FEZ1: variants seen among roughly 807,000 people sequenced by gnomAD.
FEZ1 encodes the protein fasciculation and elongation protein zeta 1.
FEZ1 carries 20 observed loss-of-function variants against 49.3 expected under a neutral mutation model. The observed-to-expected ratio is 0.41, with a 90% CI of 0.29 to 0.59. FEZ1 has a LOEUF of 0.59. Among genes scored for constraint, FEZ1 ranks in the 20% least tolerant of loss-of-function variants. The pLI is 0.36. For synonymous variants in FEZ1, 170 were observed against 180.9 expected, an observed-to-expected ratio of 0.94 and a Z score of 0.48; for missense variants, 413 against 476.0, an observed-to-expected ratio of 0.87 and a Z score of 1.23.
At chr11:125,450,382 C>T (rs1956943216) in intron 8 of FEZ1, among the ~76,000 whole-genome samples, 2 of 152,168 alleles carry the variant, frequency 1.3e-5, no homozygotes, top group African/African-American at 4.8e-5. Flanking sequence ...GCTTAGTTGT[C>T]AAGAACACTT....
At chr11:125,469,358 A>G (rs1957163515) in intron 3 of FEZ1, among the ~76,000 whole-genome samples, 1 of 152,150 alleles carries the variant, frequency 6.6e-6, no homozygotes, top group Admixed American at 6.5e-5. Flanking sequence ...TCCCCGGCTC[A>G]AGCAATCCTC....
chr11:125,493,547 A>AAGGG (rs1555043781), intron 1 of FEZ1, among the ~76,000 whole-genome samples: 2 of 134,582 alleles, frequency 1.5e-5, no homozygotes. Context: ...AGAAAGAAAG[A>AAGGG]AAGAAAGGTG....
At chr11:125,468,428 G>C (rs1957153838) in intron 3 of FEZ1, among the ~76,000 whole-genome samples, 1 of 152,072 alleles carries the variant, frequency 6.6e-6, no homozygotes, top group Non-Finnish European at 1.5e-5. Context: ...AGGCTCAAGT[G>C]ATCTTCCTAC....
At chr11:125,477,999 T>C (rs1233376321) in intron 3 of FEZ1, among the ~76,000 whole-genome samples, 2 of 152,250 alleles carry the variant, frequency 1.3e-5, no homozygotes. Flanking sequence ...TTAATTAACT[T>C]TTTAAACTAT....
In FEZ1 at chr11:125,489,488, T is replaced by A. The variant is rs754904817; in HGVS notation, c.290A>T (p.Glu97Val). 6.2e-7 allele frequency: 1 copy of A among 1,613,714 alleles called. No individual in the cohort carries two copies. The highest frequency in any genetic ancestry group is 8.5e-7 in the Non-Finnish European group (1 of 1,179,864). The change falls in exon 2 of 10, where the codon GAG (glutamate) becomes GTG (valine). Residue 97 changes from glutamate (E) to valine (V), a missense_variant. Coordinates refer to ENST00000278919, the MANE Select transcript of FEZ1 (RefSeq NM_005103.5). The surrounding 1 kb of genome is among the most constrained non-coding windows in gnomAD (Gnocchi z 4.2). The stretch of plus-strand genomic sequence containing the variant: ...TTACTCCTCGTCCTGAAGGGTCTCC[T>A]CCTCCTCTTGGATCTGTAACTGGTT... ...VKNQLQIQEEEETLQDEEVWD... is the reference protein window; with the variant it reads ...VKNQLQIQEEVETLQDEEVWD...
rs902327782 is a variant in FEZ1 at position 125,481,530 on chromosome 11, G to A, written c.411+4C>T. On this transcript the variant is annotated splice_donor_region_variant and intron_variant, in intron 3 of 9. Coordinates refer to ENST00000278919, the MANE Select transcript of FEZ1 (RefSeq NM_005103.5). ...CTGCTAAACCAGGGGCCCCGGAGAG[G>A]TACCTCAGTGTCAGAGCAGTTGCCA... 3 of 1,587,636 alleles carry A rather than the reference G, an allele frequency of 1.9e-6. No homozygotes were observed. The highest frequency in any genetic ancestry group is 1.7e-6 in the Non-Finnish European group (2 of 1,156,040).
At chr11:125,480,134 G>A (rs1485504209) in intron 3 of FEZ1, among the ~76,000 whole-genome samples, 1 of 152,178 alleles carries the variant, frequency 6.6e-6, no homozygotes, top group African/African-American at 2.4e-5. Flanking sequence ...CCAACACTTT[G>A]AGAGTCCGAG....
intron 4 of FEZ1, among the ~76,000 whole-genome samples, chr11:125,462,968 C>A (rs1041127658): frequency 1.3e-5 from 2 of 148,372 alleles, no homozygotes; most frequent in Non-Finnish European, 3.0e-5. Flanking sequence ...CCACTGCACT[C>A]TGGCCTGGGT....
intron 2 of FEZ1, among the ~76,000 whole-genome samples, chr11:125,484,373 G>A (rs1031752891): frequency 2.6e-5 from 4 of 152,196 alleles, no homozygotes; most frequent in South Asian, 2.1e-4. Context: ...TGGGCAGCAC[G>A]GCTACAGAGC....
chr11:125,473,818 C>CAA (rs141159400), intron 3 of FEZ1, among the ~76,000 whole-genome samples: 14 of 102,076 alleles, frequency 1.4e-4, no homozygotes, highest in South Asian at 5.9e-4. Flanking sequence ...GACTCCATTT[C>CAA]AAAAAAAAAA....
chr11:125,476,741 G>A (rs1018780979), intron 3 of FEZ1, among the ~76,000 whole-genome samples: 2 of 152,114 alleles, frequency 1.3e-5, no homozygotes, highest in Non-Finnish European at 2.9e-5. Flanking sequence ...TTCTCAACAC[G>A]ACCTAATGCT....
chr11:125,479,949 C>T (rs535641397), intron 3 of FEZ1, among the ~76,000 whole-genome samples: 134 of 152,322 alleles, frequency 8.8e-4, no homozygotes, highest in Non-Finnish European at 1.6e-3. Flanking sequence ...CCTTTATGGC[C>T]TTTGCAAATC....
At chr11:125,466,278 C>T (rs1434933759) in intron 3 of FEZ1, among the ~76,000 whole-genome samples, 1 of 151,878 alleles carries the variant, frequency 6.6e-6, no homozygotes, top group Non-Finnish European at 1.5e-5. Flanking sequence ...TCCAGGAGTT[C>T]GAGACCAACC....
rs1393176879 is a variant in FEZ1 at position 125,455,828 on chromosome 11, C to T, written c.939+7G>A. The T allele has an allele frequency of 5.6e-6, 9 of 1,613,864 alleles. No individual in the cohort carries two copies. The highest frequency in any genetic ancestry group is 1.3e-5 in the African/African-American group (1 of 74,874). On this transcript the variant is annotated splice_region_variant and intron_variant, in intron 6 of 9. Coordinates refer to ENST00000278919, the MANE Select transcript of FEZ1 (RefSeq NM_005103.5). ...GCACCCAGTCTTCCACCTGGTTGTT[C>T]ACCTACCTTGAGAGGCATCTGGTTT...
At position 125,495,182 on chromosome 11, in the gene FEZ1, G is replaced by A. The variant is rs1957445945; in HGVS notation, c.-46+939C>T. ...ATCTCAGATCCCCCTCCTCCCCCCA[G>A]TCCGGTGGGGTAAAGAAAGCCTCCT... On this transcript the variant is annotated intron_variant, in intron 1 of 9. Coordinates refer to ENST00000278919, the MANE Select transcript of FEZ1 (RefSeq NM_005103.5). This position sits in a 1 kb window ranked among gnomAD's most constrained non-coding sequence, Gnocchi z 4.2. 2.8e-6 allele frequency: 1 copy of A among 356,998 alleles called. No homozygotes were observed. Among genetic ancestry groups the A allele is most frequent in the Admixed American group, 4.0e-5 (1 of 25,216 alleles). 22.1% of individuals were successfully genotyped at this position (356,998 alleles called of 1,614,324 possible).
intron 8 of FEZ1, among the ~76,000 whole-genome samples, chr11:125,451,029 C>G (rs1296817959): frequency 6.6e-6 from 1 of 152,092 alleles, no homozygotes; most frequent in Non-Finnish European, 1.5e-5. Context: ...GAAAAGATTT[C>G]ACACTGAATT....
chr11:125,486,497 C>A (rs1437905716), intron 2 of FEZ1, among the ~76,000 whole-genome samples: 1 of 152,212 alleles, frequency 6.6e-6, no homozygotes, highest in Non-Finnish European at 1.5e-5. Context: ...CATGCCCTGA[C>A]AGATCAGAGA....
chr11:125,467,561 G>A (rs572926754), intron 3 of FEZ1, among the ~76,000 whole-genome samples: 43 of 152,334 alleles, frequency 2.8e-4, no homozygotes, highest in African/African-American at 9.6e-4. Context: ...TGGAAAAGAG[G>A]AAGATGTGAC....
chr11:125,463,460 G>A (rs754093501), intron 4 of FEZ1, 24 bp downstream of exon 4: 31 of 1,435,116 alleles, frequency 2.2e-5, no homozygotes, highest in South Asian at 1.4e-4. Context: ...AAAAGGTCCC[G>A]ATAACCTGGA....
Sources: gnomAD v4.1 joint callset for allele counts (sites outside exome capture counted in the v4.1 genomes callset) on GRCh38, gnomAD v4.1.1 for gene constraint, Gnocchi (gnomAD v3.1) non-coding constraint, MANE v1.5 for transcripts, NCBI Gene and HGNC (gene_info 2026-07-23, HGNC 2026-07-21) for gene names.